Variants in DTYMK observed in about 807,000 individuals in gnomAD.
DTYMK encodes the protein deoxythymidylate kinase, also known as thymidylate kinase.
A neutral mutation model predicts 20.3 loss-of-function variants in DTYMK; 20 were observed. The ratio of observed to expected loss-of-function variants is 0.99; its 90% CI spans 0.69 to 1.43. DTYMK has a LOEUF of 1.43. Ranked by LOEUF, DTYMK falls within the 40% of genes most tolerant of loss-of-function variation. The pLI, the probability that DTYMK is intolerant of heterozygous loss-of-function variation, is 0.00. For missense variants in DTYMK, 320 were observed against 291.1 expected (o/e 1.10, Z -0.72); for synonymous variants, 148 against 124.4 (o/e 1.19, Z -1.27).
chr2:241,680,401 G>A (rs2069229448), intron 2 of DTYMK, 82 bp from the exon 3 acceptor site: 4 of 1,476,742 alleles, frequency 2.7e-6, no homozygotes, highest in African/African-American at 2.8e-5. Context: ...AACAGGCTGT[G>A]CGCAGTGGCT....
Position 241,686,764 on chromosome 2 carries a change from G to GC in DTYMK, c.19dup (p.Ala7GlyfsTer42). The GC allele has an allele frequency of 6.8e-7, 1 of 1,465,438 alleles. No individual in the cohort carries two copies. 90.8% of individuals were successfully genotyped at this position (1,465,438 alleles called of 1,614,324 possible). On this transcript the variant is annotated frameshift_variant, in exon 1 of 5. Coordinates refer to ENST00000305784, the MANE Select transcript of DTYMK (RefSeq NM_012145.4). LOFTEE classifies it high-confidence loss of function. ...GTCCACGCCCTCCAGCACTATGAGA[G>GC]CCCCGCGCCGGGCCGCCATGACTGT...
intron 4 of DTYMK, among the ~76,000 whole-genome samples, chr2:241,676,561 A>G (rs946352073): frequency 6.6e-6 from 1 of 152,126 alleles, no homozygotes; most frequent in Admixed American, 6.6e-5. Context: ...CACTGTGGTG[A>G]CCTCCGGGAT....
rs139202685 is a variant in DTYMK at position 241,683,827 on chromosome 2, G to A, written c.239+1942C>T. Among the ~76,000 whole-genome samples the A allele has an allele frequency of 3.0e-3, 457 of 152,274 alleles. 3 individuals carry two copies. Among genetic ancestry groups the A allele is most frequent in the East Asian group, 0.026 (134 of 5,186 alleles). On this transcript the variant is annotated intron_variant, in intron 2 of 4. Coordinates refer to ENST00000305784, the MANE Select transcript of DTYMK (RefSeq NM_012145.4). ...AATCCCAGCACTGTGGGAGGCCGAC[G>A]TGGGAGGATCACTTGAGGTCAGGAG... is the stretch of plus-strand genomic sequence containing the variant.
intron 3 of DTYMK, among the ~76,000 whole-genome samples, chr2:241,679,518 C>T (rs1193184128): frequency 6.6e-6 from 1 of 152,176 alleles, no homozygotes; most frequent in East Asian, 1.9e-4. Context: ...CCTGTAATCC[C>T]AGCACTTTGG....
intron 2 of DTYMK, among the ~76,000 whole-genome samples, chr2:241,681,542 A>G (rs2069257697): frequency 1.3e-5 from 2 of 152,146 alleles, no homozygotes; most frequent in African/African-American, 2.4e-5. Flanking sequence ...AGTGGGGGAA[A>G]AAAAAGACAA....
chr2:241,685,031 TAAA>T (rs113063977), intron 2 of DTYMK: 76 of 144,816 alleles, frequency 5.2e-4, no homozygotes, highest in South Asian at 2.0e-3. Context: ...GACTCTACAT[TAAA>T]AAAAAAAAAA....
Position 241,675,900 on chromosome 2 carries a change from G to A in DTYMK, c.*227C>T. On this transcript the variant is annotated 3_prime_UTR_variant, in exon 5 of 5. Coordinates refer to ENST00000305784, the MANE Select transcript of DTYMK (RefSeq NM_012145.4). ...GCCATCAGGACAGGGGAGAGGGCAG[G>A]AGACTGCTCCATCGCTCTGCTCATG... 2.2e-6 allele frequency: 1 copy of A among 464,916 alleles called. No individual in the cohort carries two copies. Among genetic ancestry groups the A allele is most frequent in the East Asian group, 3.7e-5 (1 of 27,016 alleles). 28.8% of individuals were successfully genotyped at this position (464,916 alleles called of 1,614,324 possible). A position where few individuals can be genotyped will look rare whatever the true frequency, so the allele number is the denominator to read the frequency against.
In DTYMK at chr2:241,680,265, G is replaced by C. The variant is rs1011116139; in HGVS notation, c.294C>G (p.Tyr98Ter). 6.2e-7 allele frequency: 1 copy of C among 1,614,060 alleles called. No individual in the cohort carries two copies. The highest frequency in any genetic ancestry group is 2.2e-5 in the East Asian group (1 of 44,886). ...CGGTGAAGGCCACACCAGAAAATGC[G>C]TATCTGTCCACGACGAGGGTCACGC... ...SQGVTLVVDR[Y>*]AFSGVAFTGA... Residue 98 changes from tyrosine to a stop codon, truncating the protein, a stop_gained, in exon 3 of 5, where the codon TAC becomes TAG. Transcript: ENST00000305784. LOFTEE classifies it high-confidence loss of function.
intron 1 of DTYMK, among the ~76,000 whole-genome samples, chr2:241,686,097 A>G (rs1221492628): frequency 6.6e-6 from 1 of 152,210 alleles, no homozygotes; most frequent in African/African-American, 2.4e-5. Flanking sequence ...GCTTTAGGAA[A>G]AAAGAACTCG....
At chr2:241,676,279 C>T (rs1469531002) in intron 4 of DTYMK, 42 bp from the exon 5 acceptor site, 2 of 1,572,680 alleles carry the variant, frequency 1.3e-6, no homozygotes, top group East Asian at 2.3e-5. Flanking sequence ...GGCTCATCAG[C>T]ACGTTCCAGG....
chr2:241,686,319 C>G (rs7369213), intron 1 of DTYMK, among the ~76,000 whole-genome samples: 60,011 of 152,146 alleles, frequency 0.39, 12,001 homozygotes, highest in Middle Eastern at 0.5. Context: ...TTGGGGGAGA[C>G]ACCACGGTTT....
At chr2:241,682,343 GAA>G (rs1230722858) in intron 2 of DTYMK, 38 of 392,556 alleles carry the variant, frequency 9.7e-5, no homozygotes, top group Middle Eastern at 7.2e-4. Context: ...TCTAAAAAAA[GAA>G]AAGAGAGAAA....
chr2:241,678,068 G>C (rs2069156859), intron 4 of DTYMK, among the ~76,000 whole-genome samples: 2 of 152,124 alleles, frequency 1.3e-5, no homozygotes, highest in African/African-American at 4.8e-5. Context: ...CTGAGGTCAG[G>C]AGTTGGAGAC....
intron 2 of DTYMK, 98 bp from the exon 3 acceptor site, chr2:241,680,417 C>G: frequency 1.5e-6 from 2 of 1,334,246 alleles, no homozygotes; most frequent in Non-Finnish European, 2.1e-6. Flanking sequence ...TGGCTCACCC[C>G]TATAATCCCA....
At position 241,680,136 on chromosome 2, in the gene DTYMK, G is replaced by A. The variant is rs1575104900; in HGVS notation, c.330+93C>T. The A allele has an allele frequency of 8.4e-6, 10 of 1,186,026 alleles. No homozygotes were observed. The East Asian group carries it at 9.9e-5, about 12-fold the overall frequency. 73.5% of individuals were successfully genotyped at this position (1,186,026 alleles called of 1,614,324 possible). A position where few individuals can be genotyped will look rare whatever the true frequency, so the allele number is the denominator to read the frequency against. ...TATAAGAATCACGAAACTCTGCAGA[G>A]TAATCTGAGGCATGTCACTCGTACT... is the stretch of plus-strand genomic sequence containing the variant. On this transcript the variant is annotated intron_variant, in intron 3 of 4. Transcript: ENST00000305784.
chr2:241,682,823 C>T, intron 2 of DTYMK: 1 of 177,402 alleles, frequency 5.6e-6, no homozygotes, highest in South Asian at 8.6e-5. Flanking sequence ...ACTTGAGAGG[C>T]TGAGGCAGGA....
At chr2:241,684,023 C>A (rs1001205049) in intron 2 of DTYMK, among the ~76,000 whole-genome samples, 101 of 152,178 alleles carry the variant, frequency 6.6e-4, no homozygotes, top group African/African-American at 2.4e-3. Context: ...AGCCACTGCA[C>A]TCCAACCTGA....
intron 2 of DTYMK, among the ~76,000 whole-genome samples, chr2:241,684,041 A>G (rs1332552251): frequency 6.6e-6 from 1 of 152,126 alleles, no homozygotes; most frequent in Non-Finnish European, 1.5e-5. Context: ...TGAGCAACAC[A>G]ACGAGACTCT....
intron 4 of DTYMK, 128 bp downstream of exon 4, chr2:241,678,324 G>A (rs986009517): frequency 7.6e-6 from 10 of 1,315,498 alleles, no homozygotes; most frequent in African/African-American, 5.9e-5. Flanking sequence ...GACTACTCCC[G>A]GGGCTCCACA....
Sources: allele counts gnomAD v4.1 joint callset (sites outside exome capture counted in the v4.1 genomes callset), GRCh38; gene constraint gnomAD v4.1.1; transcripts MANE v1.5; gene names NCBI Gene and HGNC (gene_info 2026-07-23, HGNC 2026-07-21).